The following MYRIP variants were observed in gnomAD, a reference collection of about 807,000 sequenced individuals.
MYRIP encodes myosin VIIA and Rab interacting protein, also known as rab effector MyRIP.
A neutral mutation model predicts 98.0 loss-of-function variants in MYRIP; 49 were observed. The ratio of observed to expected loss-of-function variants is 0.50; its 90% CI spans 0.40 to 0.63. The LOEUF (loss-of-function observed/expected upper bound fraction) is 0.63, where lower values mean the gene tolerates loss of function less well. Among genes scored for constraint, MYRIP ranks in the 30% least tolerant of loss-of-function variants. The pLI, the probability that MYRIP is intolerant of heterozygous loss-of-function variation, is 0.00. For synonymous variants in MYRIP, 404 were observed against 409.5 expected (o/e 0.99, Z 0.16); for missense variants, 1,004 against 1,058.2 (o/e 0.95, Z 0.71).
chr3:40,141,804 G>A (rs992225123), intron 3 of MYRIP, among the ~76,000 whole-genome samples: 6 of 152,148 alleles, frequency 3.9e-5, no homozygotes, highest in Non-Finnish European at 8.8e-5. Flanking sequence ...ATTGGTTTAT[G>A]TGTCTGTCTT....
In MYRIP at chr3:40,181,078, GTCTT is replaced by G. The variant is rs1452769559; in HGVS notation, c.874-1132_874-1129del. Among the ~76,000 whole-genome samples the G allele has an allele frequency of 3.9e-5, 6 of 152,208 alleles. No homozygotes were observed. The East Asian group carries it at 7.7e-4, about 20-fold the overall frequency. On this transcript the variant is annotated intron_variant, in intron 8 of 16. Coordinates refer to ENST00000302541, the MANE Select transcript of MYRIP (RefSeq NM_015460.4). ...CAAGTATCCTGTGCTCATTTTTGCT[GTCTT>G]TCTTTCTTTGTTATTCTCTCATACC...
chr3:40,214,998 T>C (rs1166913324), intron 11 of MYRIP, among the ~76,000 whole-genome samples: 3 of 152,194 alleles, frequency 2.0e-5, no homozygotes, highest in Non-Finnish European at 2.9e-5. Flanking sequence ...AGATATGCGA[T>C]AGAATACATA....
intron 11 of MYRIP, among the ~76,000 whole-genome samples, chr3:40,217,179 C>T (rs971254589): frequency 6.6e-6 from 1 of 152,040 alleles, no homozygotes; most frequent in Non-Finnish European, 1.5e-5. Context: ...ATCAAACGTT[C>T]GTGGTGCTAA....
intron 2 of MYRIP, among the ~76,000 whole-genome samples, chr3:39,961,233 A>G (rs1167729171): frequency 1.3e-5 from 2 of 152,084 alleles, no homozygotes; most frequent in Non-Finnish European, 2.9e-5. Flanking sequence ...TTTTTGCAGA[A>G]GAAGCCAGAA....
At position 40,213,786 on chromosome 3, in the gene MYRIP, A is replaced by G. The variant is rs73827159; in HGVS notation, c.1905+3693A>G. Among the ~76,000 whole-genome samples, 899 of 152,236 alleles carry G rather than the reference A, an allele frequency of 5.9e-3. 7 individuals carry two copies. The highest frequency in any genetic ancestry group is 0.02 in the African/African-American group (819 of 41,524). On this transcript the variant is annotated intron_variant, in intron 11 of 16. Transcript: ENST00000302541. ...CTGAGTAGCAAGAGCTCCTCTTCCT[A>G]CACAGAAGACTAGCTGGAAGTGCCA...
chr3:40,110,166 A>G (rs907244396), intron 3 of MYRIP, among the ~76,000 whole-genome samples: 33 of 152,208 alleles, frequency 2.2e-4, no homozygotes, highest in African/African-American at 6.8e-4. Context: ...TCAGGCAGGA[A>G]TGGAGTGGGA....
intron 11 of MYRIP, among the ~76,000 whole-genome samples, chr3:40,219,581 G>A (rs1277610673): frequency 5.3e-5 from 8 of 151,998 alleles, no homozygotes; most frequent in South Asian, 2.1e-4. Flanking sequence ...GAGAACATGC[G>A]GTGTTTGGTT....
intron 11 of MYRIP, among the ~76,000 whole-genome samples, chr3:40,223,208 A>T (rs1427185077): frequency 6.6e-6 from 1 of 152,164 alleles, no homozygotes; most frequent in Admixed American, 6.6e-5. Flanking sequence ...TGAACCAGAC[A>T]TCTTTTAACT....
chr3:40,004,031 C>T (rs924662735), intron 2 of MYRIP, among the ~76,000 whole-genome samples: 11 of 152,186 alleles, frequency 7.2e-5, no homozygotes, highest in African/African-American at 2.4e-4. Flanking sequence ...GTTGATAGCT[C>T]TCCTGGGCCC....
chr3:40,167,940 T>G (rs1198981295), intron 7 of MYRIP, among the ~76,000 whole-genome samples: 1 of 152,182 alleles, frequency 6.6e-6, no homozygotes, highest in African/African-American at 2.4e-5. Flanking sequence ...AACACATCGA[T>G]GTATGCACCA....
chr3:40,124,823 C>T (rs1949488997), intron 3 of MYRIP, among the ~76,000 whole-genome samples: 1 of 152,168 alleles, frequency 6.6e-6, no homozygotes, highest in African/African-American at 2.4e-5. Context: ...TGCCAGCAGG[C>T]ATTCTTAAGT....
chr3:40,056,239 C>A (rs534283543), intron 3 of MYRIP, among the ~76,000 whole-genome samples: 3 of 152,330 alleles, frequency 2.0e-5, no homozygotes, highest in South Asian at 4.1e-4. Context: ...CACCACCACA[C>A]ATATCTTGTG....
At chr3:40,191,935 T>C (rs978716286) in intron 10 of MYRIP, among the ~76,000 whole-genome samples, 1 of 152,066 alleles carries the variant, frequency 6.6e-6, no homozygotes, top group African/African-American at 2.4e-5. Flanking sequence ...TTTCTATTTA[T>C]TCTGAAATGG....
At chr3:39,937,812 G>T (rs1385778001) in intron 2 of MYRIP, among the ~76,000 whole-genome samples, 1 of 152,122 alleles carries the variant, frequency 6.6e-6, no homozygotes, top group Non-Finnish European at 1.5e-5. Context: ...ATTCTAACCA[G>T]GGAAGAATGA....
chr3:40,169,808 G>C (rs140231484), intron 7 of MYRIP, 142 bp from the exon 8 acceptor site: 1 of 879,366 alleles, frequency 1.1e-6, no homozygotes, highest in Non-Finnish European at 1.8e-6. Context: ...TTCTCATAGC[G>C]CAGATCTGAA....
At chr3:40,119,855 A>G (rs1302233401) in intron 3 of MYRIP, among the ~76,000 whole-genome samples, 1 of 152,156 alleles carries the variant, frequency 6.6e-6, no homozygotes, top group Non-Finnish European at 1.5e-5. Flanking sequence ...AGCATGGCAC[A>G]TGTATACATA....
chr3:40,027,462 C>T (rs1406518144), intron 2 of MYRIP, among the ~76,000 whole-genome samples: 3 of 152,052 alleles, frequency 2.0e-5, no homozygotes, highest in African/African-American at 4.8e-5. Context: ...TTCTTTGCTA[C>T]TTGTTCTGTC....
intron 10 of MYRIP, among the ~76,000 whole-genome samples, chr3:40,208,841 G>A (rs1196696044): frequency 6.6e-6 from 1 of 151,950 alleles, no homozygotes; most frequent in Non-Finnish European, 1.5e-5. Context: ...TCTCTGCATT[G>A]AACCACCATG....
At chr3:40,018,450 T>C (rs1000149702) in intron 2 of MYRIP, among the ~76,000 whole-genome samples, 8 of 152,212 alleles carry the variant, frequency 5.3e-5, no homozygotes, top group Admixed American at 3.3e-4. Context: ...GCTACCCCAG[T>C]CTTCATTCTG....
Sources: gnomAD v4.1 joint callset for allele counts (sites outside exome capture counted in the v4.1 genomes callset) on GRCh38, gnomAD v4.1.1 for gene constraint, MANE v1.5 for transcripts, NCBI Gene and HGNC (gene_info 2026-07-23, HGNC 2026-07-21) for gene names.